Variants in COG3 observed in about 807,000 individuals in gnomAD.
COG3 encodes component of oligomeric golgi complex 3.
Under a neutral mutation model 114.1 loss-of-function variants are expected in COG3, and 32 were observed. That is an observed-to-expected ratio of 0.28 (90% CI 0.21 to 0.38). The LOEUF is 0.38. COG3 is among the 10% of genes least tolerant of loss of function. COG3 has a pLI of 1.00. For synonymous variants in COG3, 352 were observed against 365.7 expected (o/e 0.96, Z 0.43); for missense variants, 813 against 973.2 (o/e 0.84, Z 2.19).
At chr13:45,485,016 G>C in intron 7 of COG3, among the ~76,000 whole-genome samples, 1 of 138,878 alleles carries the variant, frequency 7.2e-6, no homozygotes, top group Non-Finnish European at 1.6e-5. Flanking sequence ...ACACAGACAC[G>C]GCAACCATCC....
At chr13:45,483,644 A>G (rs941787638) in intron 7 of COG3, among the ~76,000 whole-genome samples, 8 of 152,190 alleles carry the variant, frequency 5.3e-5, no homozygotes, top group East Asian at 1.9e-4. Context: ...TTCCTTTTCT[A>G]TCTTTTTCAT....
intron 20 of COG3, among the ~76,000 whole-genome samples, chr13:45,528,057 C>G (rs1449396292): frequency 6.6e-6 from 1 of 152,054 alleles, no homozygotes; most frequent in Non-Finnish European, 1.5e-5. Flanking sequence ...CACCCAGGCC[C>G]AGGAATGTCC....
chr13:45,520,898 G>C (rs1445498526), intron 19 of COG3, among the ~76,000 whole-genome samples: 3 of 152,222 alleles, frequency 2.0e-5, no homozygotes, highest in South Asian at 2.1e-4. Context: ...ATCCACAGTA[G>C]TACTGGTGGG....
chr13:45,512,339 T>C (rs1870955993), intron 16 of COG3, among the ~76,000 whole-genome samples: 1 of 152,136 alleles, frequency 6.6e-6, no homozygotes. Flanking sequence ...ACAATTTTGT[T>C]TGTTTGTTTT....
At chr13:45,531,900 T>C (rs1187316861) in intron 22 of COG3, 2 of 152,336 alleles carry the variant, frequency 1.3e-5, no homozygotes, top group African/African-American at 2.4e-5. Flanking sequence ...GATGTTCATA[T>C]ACTATAGAAT....
chr13:45,499,261 T>G (rs1264128342), intron 13 of COG3, among the ~76,000 whole-genome samples: 1 of 152,184 alleles, frequency 6.6e-6, no homozygotes, highest in Non-Finnish European at 1.5e-5. Context: ...ACTCATTTGC[T>G]TCAAGTTACA....
At chr13:45,515,544 C>T (rs918976864) in intron 16 of COG3, among the ~76,000 whole-genome samples, 16 of 152,250 alleles carry the variant, frequency 1.1e-4, no homozygotes, top group African/African-American at 3.9e-4. Context: ...GAGTTTGAAT[C>T]ACAAGACTCT....
intron 1 of COG3, among the ~76,000 whole-genome samples, chr13:45,475,651 A>G (rs1253206562): frequency 6.6e-6 from 1 of 152,180 alleles, no homozygotes; most frequent in African/African-American, 2.4e-5. Flanking sequence ...GGATTAGTAC[A>G]GATTTACCAC....
At chr13:45,478,101 T>C (rs1054549697) in intron 2 of COG3, among the ~76,000 whole-genome samples, 1 of 152,246 alleles carries the variant, frequency 6.6e-6, no homozygotes, top group Non-Finnish European at 1.5e-5. Flanking sequence ...ATTCATTTTT[T>C]ACCTATTGTA....
chr13:45,490,959 G>A lies in COG3; in HGVS notation c.968+1G>A. ...AACTGCGGTCTGAAAAAATACCTGA[G>A]TGAGTACCTAGAAGTTAATCTGATT... On this transcript the variant is annotated splice_donor_variant, in intron 9 of 22. Coordinates refer to ENST00000349995, the MANE Select transcript of COG3 (RefSeq NM_031431.4). LOFTEE classifies it high-confidence loss of function. The A allele has an allele frequency of 1.3e-6, 2 of 1,586,412 alleles. No homozygotes were observed. Among genetic ancestry groups the A allele is most frequent in the Non-Finnish European group, 1.7e-6 (2 of 1,157,952 alleles).
chr13:45,515,276 G>T (rs1352580442), intron 16 of COG3, among the ~76,000 whole-genome samples: 1 of 152,138 alleles, frequency 6.6e-6, no homozygotes, highest in Non-Finnish European at 1.5e-5. Flanking sequence ...AAAATCAGTG[G>T]AGAGAGTAAG....
At chr13:45,513,422 T>C (rs35553003) in intron 16 of COG3, among the ~76,000 whole-genome samples, 20,382 of 51,816 alleles carry the variant, frequency 0.39, 3,410 homozygotes, top group Admixed American at 0.48. Context: ...ACATATAAAT[T>C]ATATATATAA....
Position 45,534,706 on chromosome 13 carries a change from G to T in COG3, c.2462G>T (p.Ser821Ile). 1 of 1,565,594 alleles carries T rather than the reference G, an allele frequency of 6.4e-7. No individual in the cohort carries two copies. ...IIACPSMEQL[S>I]LLLLVSK ...GCTCTTAATTTTGCTTTTCAGCTGA[G>T]CCTTCTGCTGTTGGTTTCTAAATAA... Residue 821 changes from serine to isoleucine, a missense_variant, in exon 23 of 23, where the codon AGC (serine) becomes ATC (isoleucine). Transcript: ENST00000349995.
intron 1 of COG3, among the ~76,000 whole-genome samples, chr13:45,475,189 A>G (rs1885782370): frequency 6.6e-6 from 1 of 152,026 alleles, no homozygotes; most frequent in Non-Finnish European, 1.5e-5. Context: ...ATTTCTAATC[A>G]ATTCTTGGGT....
intron 2 of COG3, 98 bp from the exon 3 acceptor site, chr13:45,478,907 G>A (rs1429920984): frequency 1.3e-6 from 1 of 798,780 alleles, no homozygotes; most frequent in East Asian, 2.5e-5. Flanking sequence ...AATAAAACTT[G>A]GATAACGTCT....
intron 16 of COG3, among the ~76,000 whole-genome samples, chr13:45,514,392 C>T (rs192858798): frequency 1.2e-3 from 177 of 152,158 alleles, no homozygotes; most frequent in Middle Eastern, 3.4e-3. Flanking sequence ...AATGCCTGAC[C>T]TCAAGTGATC....
At chr13:45,468,062 T>C (rs1885256244) in intron 1 of COG3, among the ~76,000 whole-genome samples, 2 of 152,248 alleles carry the variant, frequency 1.3e-5, no homozygotes, top group Admixed American at 1.3e-4. Context: ...GGTAGACTTT[T>C]GTAGCCAGGG....
chr13:45,530,104 C>T (rs561228006), intron 21 of COG3, among the ~76,000 whole-genome samples, 186 bp downstream of exon 21: 1 of 152,192 alleles, frequency 6.6e-6, no homozygotes, highest in Non-Finnish European at 1.5e-5. Flanking sequence ...CTTTTTTTCC[C>T]ACTGTCACTT....
Position 45,497,929 on chromosome 13 carries a change from T to C in COG3, c.1488+1617T>C, listed in dbSNP as rs528494112. On this transcript the variant is annotated intron_variant, in intron 13 of 22. Coordinates refer to ENST00000349995, the MANE Select transcript of COG3 (RefSeq NM_031431.4). ...TAGCAGAAACCAATGAGTAAAGATA[T>C]CAAGTCAAGAGGTTAAATAAGCAAA... 2.0e-5 allele frequency among the ~76,000 whole-genome samples: 3 copies of C among 152,240 alleles called. No individual in the cohort carries two copies. In the South Asian group the frequency reaches 6.2e-4, roughly 32 times the overall value.
Sources: gnomAD v4.1 joint callset for allele counts (sites outside exome capture counted in the v4.1 genomes callset) on GRCh38, gnomAD v4.1.1 for gene constraint, MANE v1.5 for transcripts, NCBI Gene and HGNC (gene_info 2026-07-23, HGNC 2026-07-21) for gene names.